Variants in TAFA1 observed in about 807,000 individuals in gnomAD.
TAFA1 encodes the protein TAFA chemokine like family member 1.
In TAFA1, 4 loss-of-function variants were observed where a neutral mutation model predicts 18.5. That is an observed-to-expected ratio of 0.22 (90% CI 0.11 to 0.49). The LOEUF is 0.49. Ranked by LOEUF, TAFA1 falls within the 20% of genes least tolerant of loss-of-function variation. The probability of loss-of-function intolerance (pLI) is 0.98; values close to 1 mark genes in which losing one functional copy is unlikely to be tolerated. For missense variants in TAFA1, 147 were observed against 169.0 expected, an observed-to-expected ratio of 0.87 and a Z score of 0.72; for synonymous variants, 56 against 55.2, an observed-to-expected ratio of 1.01 and a Z score of -0.06.
chr3:68,532,245 A>G (rs1216897789), intron 3 of TAFA1, among the ~76,000 whole-genome samples: 2 of 152,106 alleles, frequency 1.3e-5, no homozygotes, highest in African/African-American at 4.8e-5. Flanking sequence ...CAGGAGGAGG[A>G]GGGGAGGTGG....
intron 2 of TAFA1, among the ~76,000 whole-genome samples, chr3:68,389,756 G>A (rs2070186137): frequency 6.6e-6 from 1 of 152,200 alleles, no homozygotes; most frequent in Non-Finnish European, 1.5e-5. Flanking sequence ...GGAAGTGTAA[G>A]AGGTTGAGAA....
intron 2 of TAFA1, among the ~76,000 whole-genome samples, chr3:68,222,904 C>T (rs1029117334): frequency 6.6e-6 from 1 of 152,096 alleles, no homozygotes; most frequent in Non-Finnish European, 1.5e-5. Context: ...AACTCCTGAC[C>T]TCAAGCGATC....
intron 2 of TAFA1, among the ~76,000 whole-genome samples, chr3:68,347,126 T>C (rs1438839956): frequency 2.0e-5 from 3 of 152,182 alleles, no homozygotes; most frequent in Non-Finnish European, 4.4e-5. Context: ...ATCATTTTCA[T>C]CTGGAATTCT....
At chr3:68,314,289 C>T (rs1252625557) in intron 2 of TAFA1, among the ~76,000 whole-genome samples, 1 of 152,136 alleles carries the variant, frequency 6.6e-6, no homozygotes, top group East Asian at 1.9e-4. Context: ...AACACCTGTT[C>T]CTGTCCATAG....
At chr3:68,052,011 A>G (rs1197477647) in intron 2 of TAFA1, among the ~76,000 whole-genome samples, 1 of 152,168 alleles carries the variant, frequency 6.6e-6, no homozygotes, top group Non-Finnish European at 1.5e-5. Flanking sequence ...AATTTAAGGA[A>G]GTCTTTTTTT....
At chr3:68,331,364 G>A (rs2313284) in intron 2 of TAFA1, among the ~76,000 whole-genome samples, 17,214 of 152,090 alleles carry the variant, frequency 0.11, 1,455 homozygotes, top group East Asian at 0.37. Flanking sequence ...ACTAGATAGT[G>A]GTGATGGTTT....
intron 2 of TAFA1, among the ~76,000 whole-genome samples, chr3:68,355,818 T>A (rs989236029): frequency 6.6e-6 from 1 of 151,946 alleles, no homozygotes; most frequent in East Asian, 1.9e-4. Context: ...GCTTGTAAGG[T>A]GATGAGCAAC....
At chr3:68,248,298 TCCC>T (rs922656807) in intron 2 of TAFA1, among the ~76,000 whole-genome samples, 5 of 152,132 alleles carry the variant, frequency 3.3e-5, no homozygotes, top group African/African-American at 1.2e-4. Flanking sequence ...ATGCAAGAAA[TCCC>T]CAGTTTGGTT....
At chr3:68,542,056 A>C (rs142147254) in intron 4 of TAFA1, among the ~76,000 whole-genome samples, 282 of 152,276 alleles carry the variant, frequency 1.9e-3, no homozygotes, top group African/African-American at 6.2e-3. Flanking sequence ...GATCTGAGTG[A>C]TATTATTACC....
At chr3:68,126,542 T>C (rs11709861) in intron 2 of TAFA1, among the ~76,000 whole-genome samples, 79,768 of 152,178 alleles carry the variant, frequency 0.52, 21,889 homozygotes, top group South Asian at 0.64. Flanking sequence ...TTCAAAAATG[T>C]ATATATTCCA....
At chr3:68,366,034 C>T (rs144804138) in intron 2 of TAFA1, among the ~76,000 whole-genome samples, 5,602 of 140,786 alleles carry the variant, frequency 0.04, 164 homozygotes, top group East Asian at 0.14. Flanking sequence ...TGCAGCAAGC[C>T]GAGATTGCAC....
chr3:68,506,783 T>C (rs567534375), intron 3 of TAFA1, among the ~76,000 whole-genome samples: 3 of 152,108 alleles, frequency 2.0e-5, no homozygotes, highest in Admixed American at 1.3e-4. Context: ...TCAGATGAAA[T>C]GTTCCCCAAA....
intron 2 of TAFA1, among the ~76,000 whole-genome samples, chr3:68,407,992 T>A (rs918318444): frequency 6.6e-6 from 1 of 152,164 alleles, no homozygotes; most frequent in South Asian, 2.1e-4. Flanking sequence ...TCCAGTCCAT[T>A]GGGTCAATAA....
chr3:68,382,760 T>C (rs1187533568), intron 2 of TAFA1, among the ~76,000 whole-genome samples: 1 of 152,190 alleles, frequency 6.6e-6, no homozygotes, highest in Non-Finnish European at 1.5e-5. Context: ...ATTGGTAGTT[T>C]AATAGAAATA....
chr3:68,388,097 A>G (rs973462281), intron 2 of TAFA1, among the ~76,000 whole-genome samples: 9 of 152,136 alleles, frequency 5.9e-5, no homozygotes, highest in Non-Finnish European at 2.9e-5. Context: ...ATTTTTAGAA[A>G]CCACGTAAAA....
At chr3:68,312,941 G>T (rs192068312) in intron 2 of TAFA1, among the ~76,000 whole-genome samples, 99 of 152,282 alleles carry the variant, frequency 6.5e-4, no homozygotes, top group African/African-American at 2.2e-3. Context: ...TCACAATTAT[G>T]GTGGAAGAGA....
intron 2 of TAFA1, among the ~76,000 whole-genome samples, chr3:68,073,870 C>A (rs1444353478): frequency 6.6e-6 from 1 of 152,082 alleles, no homozygotes; most frequent in African/African-American, 2.4e-5. Flanking sequence ...GCACCAGGAA[C>A]AGGTTTTGTG....
At chr3:68,288,099 T>C (rs1250166837) in intron 2 of TAFA1, among the ~76,000 whole-genome samples, 2 of 152,152 alleles carry the variant, frequency 1.3e-5, no homozygotes, top group Non-Finnish European at 1.5e-5. Context: ...CTTTGCTCTC[T>C]GGTCATGGGT....
At chr3:68,263,913 C>T (rs1403382264) in intron 2 of TAFA1, among the ~76,000 whole-genome samples, 1 of 152,126 alleles carries the variant, frequency 6.6e-6, no homozygotes, top group Non-Finnish European at 1.5e-5. Context: ...ATCTGTGTAT[C>T]TTCTATTTAC....
Sources: gnomAD v4.1 joint callset for allele counts (sites outside exome capture counted in the v4.1 genomes callset) on GRCh38, gnomAD v4.1.1 for gene constraint, MANE v1.5 for transcripts, NCBI Gene and HGNC (gene_info 2026-07-23, HGNC 2026-07-21) for gene names.